Variants in PXDNL observed in about 807,000 individuals in gnomAD.
The protein encoded by PXDNL is peroxidasin like.
Under a neutral mutation model 150.8 loss-of-function variants are expected in PXDNL, and 145 were observed. The ratio of observed to expected loss-of-function variants is 0.96; its 90% CI spans 0.84 to 1.10. PXDNL has a LOEUF of 1.10. Ranked by LOEUF, PXDNL falls within the 50% of genes least tolerant of loss-of-function variation. The pLI, the probability that PXDNL is intolerant of heterozygous loss-of-function variation, is 0.00. For missense variants in PXDNL, 2,087 were observed against 1,873.9 expected (o/e 1.11, Z -2.10); for synonymous variants, 757 against 725.7 (o/e 1.04, Z -0.69).
chr8:51,427,142 A>G (rs905661340), intron 12 of PXDNL, among the ~76,000 whole-genome samples: 4 of 152,212 alleles, frequency 2.6e-5, no homozygotes, highest in African/African-American at 7.2e-5. Flanking sequence ...CCAGCTCTTC[A>G]GTGAGCATCT....
chr8:51,569,749 G>A (rs1812894062), intron 3 of PXDNL, among the ~76,000 whole-genome samples: 1 of 151,712 alleles, frequency 6.6e-6, no homozygotes, highest in African/African-American at 2.4e-5. Context: ...AGAAAAAACT[G>A]TAAATCTAAA....
intron 21 of PXDNL, among the ~76,000 whole-genome samples, chr8:51,336,540 G>A (rs1484220134): frequency 6.6e-6 from 1 of 152,150 alleles, no homozygotes. Context: ...CCTCACAAAA[G>A]TCTGTCTTCG....
chr8:51,797,917 C>T (rs1472790458), intron 1 of PXDNL, among the ~76,000 whole-genome samples: 3 of 152,270 alleles, frequency 2.0e-5, no homozygotes, highest in South Asian at 2.1e-4. Context: ...TGCTACCTGA[C>T]GTCAAACAAT....
chr8:51,367,304 C>A (rs762227678), intron 19 of PXDNL, among the ~76,000 whole-genome samples: 1 of 151,596 alleles, frequency 6.6e-6, no homozygotes, highest in Non-Finnish European at 1.5e-5. Context: ...ACAGCCAATC[C>A]CCAAAACCAA....
intron 3 of PXDNL, among the ~76,000 whole-genome samples, chr8:51,587,659 C>A (rs879499719): frequency 1.3e-5 from 2 of 152,146 alleles, no homozygotes; most frequent in Non-Finnish European, 2.9e-5. Context: ...TGGGAAAATG[C>A]ACGCTATAAA....
intron 15 of PXDNL, among the ~76,000 whole-genome samples, chr8:51,411,772 G>A (rs1489716778): frequency 6.6e-6 from 1 of 152,088 alleles, no homozygotes; most frequent in Non-Finnish European, 1.5e-5. Context: ...CGGTCTGCAG[G>A]ACTTGGCATT....
chr8:51,403,705 C>T (rs953619366), intron 17 of PXDNL, among the ~76,000 whole-genome samples: 2 of 152,182 alleles, frequency 1.3e-5, no homozygotes, highest in Admixed American at 1.3e-4. Flanking sequence ...ATTGGGTTTC[C>T]GCACCGCTAT....
chr8:51,326,139 A>C (rs2130621355), intron 21 of PXDNL, among the ~76,000 whole-genome samples: 1 of 152,180 alleles, frequency 6.6e-6, no homozygotes, highest in Middle Eastern at 3.4e-3. Context: ...CTTGCTCTTC[A>C]CCATTCTGAG....
intron 2 of PXDNL, among the ~76,000 whole-genome samples, chr8:51,637,340 A>C (rs908758416): frequency 5.9e-5 from 9 of 152,234 alleles, no homozygotes; most frequent in African/African-American, 2.2e-4. Flanking sequence ...AATGGAACAA[A>C]GCAGGACAGA....
chr8:51,476,585 A>G (rs545688455), intron 6 of PXDNL, among the ~76,000 whole-genome samples: 5 of 103,946 alleles, frequency 4.8e-5, no homozygotes, highest in Non-Finnish European at 9.8e-5. Flanking sequence ...CTCATGAAAT[A>G]AAATAGATCA....
At chr8:51,744,675 C>CAAAAA (rs34751949) in intron 1 of PXDNL, among the ~76,000 whole-genome samples, 10 of 38,818 alleles carry the variant, frequency 2.6e-4, no homozygotes, top group South Asian at 2.2e-3. Flanking sequence ...GACTCCATCT[C>CAAAAA]AAAAAAAAAA....
intron 10 of PXDNL, among the ~76,000 whole-genome samples, chr8:51,452,366 T>C (rs543504688): frequency 6.6e-6 from 1 of 152,344 alleles, no homozygotes; most frequent in Admixed American, 6.5e-5. Context: ...GCCTTCTTAT[T>C]AGAGCAAGGA....
In PXDNL at chr8:51,723,900, G is replaced by A. The variant is rs141626572; in HGVS notation, c.165-69140C>T. On this transcript the variant is annotated intron_variant, in intron 1 of 22. Coordinates refer to ENST00000356297, the MANE Select transcript of PXDNL (RefSeq NM_144651.5). ...CAGGGAGTCTGGTGGGAGCCACTTG[G>A]AATAATCCAGGAGAGAGATGATCTG... Among the ~76,000 whole-genome samples the A allele has an allele frequency of 5.2e-4, 79 of 152,244 alleles. No individual in the cohort carries two copies. The East Asian group carries it at 0.013, about 26-fold the overall frequency.
At chr8:51,744,089 GGAAGGAAAGAAAGAAA>G (rs1187189290) in intron 1 of PXDNL, among the ~76,000 whole-genome samples, 6 of 46,880 alleles carry the variant, frequency 1.3e-4, no homozygotes, top group African/African-American at 2.9e-4. Flanking sequence ...AAGGAAGGAA[GGAAGGAAAGAAAGAAA>G]GAAAGAAAGA....
At chr8:51,479,129 G>T (rs192216451) in intron 6 of PXDNL, among the ~76,000 whole-genome samples, 1 of 152,188 alleles carries the variant, frequency 6.6e-6, no homozygotes, top group African/African-American at 2.4e-5. Flanking sequence ...TTCAGTAAAT[G>T]TAAGAGGAGG....
intron 4 of PXDNL, among the ~76,000 whole-genome samples, chr8:51,511,548 C>T (rs1455876465): frequency 6.6e-6 from 1 of 152,148 alleles, no homozygotes; most frequent in African/African-American, 2.4e-5. Flanking sequence ...TCATCGGGTC[C>T]CCTTCCCAAG....
At chr8:51,537,723 T>G in intron 4 of PXDNL, among the ~76,000 whole-genome samples, 1 of 152,354 alleles carries the variant, frequency 6.6e-6, no homozygotes, top group Non-Finnish European at 1.5e-5. Flanking sequence ...AAGAACAAAC[T>G]TGGGCATTTT....
intron 1 of PXDNL, among the ~76,000 whole-genome samples, chr8:51,702,367 G>C (rs192969080): frequency 6.6e-6 from 1 of 152,134 alleles, no homozygotes; most frequent in East Asian, 1.9e-4. Flanking sequence ...GAAATTTAGG[G>C]TAAGAATTGA....
At position 51,447,051 on chromosome 8, in the gene PXDNL, G is replaced by A. The variant is rs752274536; in HGVS notation, c.1478C>T (p.Ser493Leu). ...QGQYECQAVSSLGVKKVSVQL... is the reference protein window; with the variant it reads ...QGQYECQAVSLLGVKKVSVQL... Reference sequence around the variant, plus strand: ...CACAGACACCTTTTTCACCCCCAACGAACTGACTGCTTGACATTCATATTG... The same window carrying A: ...CACAGACACCTTTTTCACCCCCAACAAACTGACTGCTTGACATTCATATTG... The change falls in exon 12 of 23, where the codon TCG becomes TTG. Residue 493 changes from serine (S) to leucine (L), a missense_variant. Coordinates refer to ENST00000356297, the MANE Select transcript of PXDNL (RefSeq NM_144651.5). 23 of 1,613,754 alleles carry A rather than the reference G, an allele frequency of 1.4e-5. No homozygotes were observed. Among genetic ancestry groups the A allele is most frequent in the East Asian group, 2.2e-5 (1 of 44,886 alleles).
Sources: allele counts gnomAD v4.1 joint callset (sites outside exome capture counted in the v4.1 genomes callset), GRCh38; gene constraint gnomAD v4.1.1; transcripts MANE v1.5; gene names NCBI Gene and HGNC (gene_info 2026-07-23, HGNC 2026-07-21).